Variants in TSHZ2 observed in about 807,000 individuals in gnomAD.
The protein encoded by TSHZ2 is teashirt zinc finger homeobox 2.
A neutral mutation model predicts 74.4 loss-of-function variants in TSHZ2; 21 were observed. The observed-to-expected ratio is 0.28, with a 90% CI of 0.20 to 0.41. TSHZ2 has a LOEUF of 0.41. TSHZ2 is among the 10% of genes least tolerant of loss of function. The pLI, the probability that TSHZ2 is intolerant of heterozygous loss-of-function variation, is 1.00. For missense variants in TSHZ2, 1,244 were observed against 1,293.5 expected (o/e 0.96, Z 0.59); for synonymous variants, 540 against 515.3 (o/e 1.05, Z -0.65).
chr20:53,063,827 A>G (rs1277734942), intron 1 of TSHZ2, among the ~76,000 whole-genome samples: 1 of 152,224 alleles, frequency 6.6e-6, no homozygotes, highest in East Asian at 1.9e-4. Context: ...TTAGAGCTCA[A>G]GGAAGGAAGA....
chr20:53,452,151 T>C (rs1984813475), intron 2 of TSHZ2, among the ~76,000 whole-genome samples: 1 of 152,180 alleles, frequency 6.6e-6, no homozygotes, highest in African/African-American at 2.4e-5. Context: ...ATGCAATGGG[T>C]CTAGGCAAGT....
chr20:53,222,247 G>A, intron 1 of TSHZ2, among the ~76,000 whole-genome samples: 1 of 117,304 alleles, frequency 8.5e-6, no homozygotes, highest in African/African-American at 2.8e-5. Flanking sequence ...CTGTCTCCAA[G>A]TACCCAAGGG....
intron 2 of TSHZ2, among the ~76,000 whole-genome samples, chr20:53,462,100 A>AAAAACTAGCAGGGCAT (rs1410709385): frequency 1.3e-5 from 2 of 152,062 alleles, no homozygotes; most frequent in Non-Finnish European, 2.9e-5. Context: ...AAAAAAGAAA[A>AAAAACTAGCAGGGCAT]AAAACTAGCA....
Position 53,008,557 on chromosome 20 carries a change from C to CTT in TSHZ2, c.40+35237_40+35238dup, listed in dbSNP as rs34485556. Among the ~76,000 whole-genome samples, 422 of 146,014 alleles carry CTT rather than the reference C, an allele frequency of 2.9e-3. 1 individual carries two copies. The highest frequency in any genetic ancestry group is 0.014 in the Middle Eastern group (4 of 280). On this transcript the variant is annotated intron_variant, in intron 1 of 2. Transcript: ENST00000371497. ...AAAATTAAGAAAGGATTATAATCAC[C>CTT]TTTTTTTTTTTTTTACGGGAATTGA...
intron 1 of TSHZ2, among the ~76,000 whole-genome samples, chr20:53,146,146 G>A (rs187747325): frequency 6.6e-6 from 1 of 152,054 alleles, no homozygotes; most frequent in Non-Finnish European, 1.5e-5. Flanking sequence ...TAAAGACCAT[G>A]TTGTCTTTGT....
intron 1 of TSHZ2, among the ~76,000 whole-genome samples, chr20:53,195,209 C>T (rs2243747): frequency 6.6e-6 from 1 of 152,114 alleles, no homozygotes; most frequent in Non-Finnish European, 1.5e-5. Flanking sequence ...AATGAATGGG[C>T]GTGCTCACCT....
intron 1 of TSHZ2, among the ~76,000 whole-genome samples, chr20:53,063,746 A>G (rs1343318322): frequency 2.0e-5 from 3 of 152,234 alleles, no homozygotes; most frequent in Non-Finnish European, 4.4e-5. Flanking sequence ...ATGAATATGC[A>G]AGGAAATTTG....
intron 1 of TSHZ2, among the ~76,000 whole-genome samples, chr20:53,013,572 C>G (rs576616771): frequency 6.6e-6 from 1 of 152,216 alleles, no homozygotes; most frequent in East Asian, 1.9e-4. Context: ...TTCTTTGCTA[C>G]TGCACCAGTA....
intron 2 of TSHZ2, among the ~76,000 whole-genome samples, chr20:53,257,896 T>C (rs915128557): frequency 2.6e-5 from 4 of 152,212 alleles, no homozygotes; most frequent in Non-Finnish European, 5.9e-5. Flanking sequence ...TAGAAGACTT[T>C]CAGAACAAGC....
chr20:52,984,506 C>T (rs1568704413), intron 1 of TSHZ2, among the ~76,000 whole-genome samples: 1 of 152,102 alleles, frequency 6.6e-6, no homozygotes, highest in African/African-American at 2.4e-5. Flanking sequence ...GCTGAAAATC[C>T]GGGGCTAGAG....
chr20:53,347,732 A>G (rs1209473749), intron 2 of TSHZ2, among the ~76,000 whole-genome samples: 4 of 152,136 alleles, frequency 2.6e-5, no homozygotes, highest in East Asian at 3.8e-4. Flanking sequence ...TGTTTGCTGT[A>G]CAGATCAATC....
Position 53,256,362 on chromosome 20 carries a change from G to A in TSHZ2, c.2904G>A (p.Glu968=), listed in dbSNP as rs149793621. 356 of 1,613,270 alleles carry A rather than the reference G, an allele frequency of 2.2e-4. No homozygotes were observed. The highest frequency in any genetic ancestry group is 2.5e-4 in the Non-Finnish European group (299 of 1,179,370). The change falls in exon 2 of 3, where the codon GAG becomes GAA. Residue 968 remains glutamate, a synonymous_variant. Coordinates refer to ENST00000371497, the MANE Select transcript of TSHZ2 (RefSeq NM_173485.6). The surrounding 1 kb of genome is among the most constrained non-coding windows in gnomAD (Gnocchi z 4.3). ...RLSVDQQSKV[E]QEISRVSSAQ... The stretch of plus-strand genomic sequence containing the variant: ...CAGTGGACCAGCAAAGCAAGGTGGA[G>A]CAAGAGATCTCCCGGGTATCGTCGG...
At chr20:53,343,426 G>A (rs6022408) in intron 2 of TSHZ2, among the ~76,000 whole-genome samples, 26,895 of 152,136 alleles carry the variant, frequency 0.18, 2,747 homozygotes, top group South Asian at 0.27. Context: ...GTCACTTCCT[G>A]ACTCTCTGGA....
rs573246019 is a variant in TSHZ2, at chr20:53,226,293, T to TA, written c.41-27200dup. On this transcript the variant is annotated intron_variant, in intron 1 of 2. Transcript: ENST00000371497. Reference sequence around the variant, plus strand: ...ACCTTGGGCAGTGTCCCTTCATCTGTAAAAAAGACACAACAAAAATATTTC... The same window carrying TA: ...ACCTTGGGCAGTGTCCCTTCATCTGTAAAAAAAGACACAACAAAAATATTTC... Among the ~76,000 whole-genome samples the TA allele has an allele frequency of 9.9e-5, 15 of 152,184 alleles. No individual in the cohort carries two copies. In the South Asian group the frequency reaches 2.5e-3, roughly 25 times the overall value.
chr20:53,443,886 T>C (rs888896421), intron 2 of TSHZ2, among the ~76,000 whole-genome samples: 6 of 152,182 alleles, frequency 3.9e-5, no homozygotes, highest in Non-Finnish European at 7.3e-5. Flanking sequence ...CTACTGCCTG[T>C]TGAAACCCGT....
intron 1 of TSHZ2, among the ~76,000 whole-genome samples, chr20:53,157,406 G>GTTTTT (rs369371699): frequency 7.4e-6 from 1 of 134,832 alleles, no homozygotes. Context: ...CATTGAGTTG[G>GTTTTT]TTTTTTTTTT....
chr20:53,116,529 G>T (rs1267102587), intron 1 of TSHZ2, among the ~76,000 whole-genome samples: 1 of 152,092 alleles, frequency 6.6e-6, no homozygotes, highest in Non-Finnish European at 1.5e-5. Flanking sequence ...CAAGCCATTT[G>T]TCCAACTGGT....
intron 1 of TSHZ2, among the ~76,000 whole-genome samples, chr20:53,246,322 C>T (rs1448139930): frequency 1.3e-5 from 2 of 152,084 alleles, no homozygotes; most frequent in Non-Finnish European, 2.9e-5. Flanking sequence ...GGATTACAGG[C>T]GTGAGCCACT....
chr20:53,379,285 G>A (rs1054950074), intron 2 of TSHZ2, among the ~76,000 whole-genome samples: 2 of 152,222 alleles, frequency 1.3e-5, no homozygotes, highest in African/African-American at 4.8e-5. Flanking sequence ...AGCAGGCTGA[G>A]GTGGGAGGAT....
Sources: gnomAD v4.1 joint callset for allele counts (sites outside exome capture counted in the v4.1 genomes callset) on GRCh38, gnomAD v4.1.1 for gene constraint, Gnocchi (gnomAD v3.1) non-coding constraint, MANE v1.5 for transcripts, NCBI Gene and HGNC (gene_info 2026-07-23, HGNC 2026-07-21) for gene names.